ALK: variants seen among roughly 807,000 people sequenced by gnomAD.
ALK encodes the protein ALK receptor tyrosine kinase.
A neutral mutation model predicts 163.1 loss-of-function variants in ALK; 74 were observed. The ratio of observed to expected loss-of-function variants is 0.45; its 90% CI spans 0.38 to 0.55. ALK has a LOEUF of 0.55. ALK is among the 20% of genes least tolerant of loss of function. The pLI, the probability that ALK is intolerant of heterozygous loss-of-function variation, is 0.00. For missense variants in ALK, 2,063 were observed against 2,105.3 expected, an observed-to-expected ratio of 0.98 and a Z score of 0.39; for synonymous variants, 960 against 843.2, an observed-to-expected ratio of 1.14 and a Z score of -2.40.
chr2:29,347,684 A>G (rs1667991699), intron 5 of ALK, among the ~76,000 whole-genome samples: 1 of 152,172 alleles, frequency 6.6e-6, no homozygotes, highest in Non-Finnish European at 1.5e-5. Flanking sequence ...ATGAAATGAT[A>G]GAGATGTATT....
At chr2:29,244,489 C>T (rs1044586323) in intron 12 of ALK, among the ~76,000 whole-genome samples, 1 of 152,152 alleles carries the variant, frequency 6.6e-6, no homozygotes, top group Admixed American at 6.5e-5. Context: ...AGGTTCCACT[C>T]CTGTTGCATC....
chr2:29,226,351 G>A (rs182599072), intron 18 of ALK, among the ~76,000 whole-genome samples: 34 of 151,904 alleles, frequency 2.2e-4, no homozygotes, highest in East Asian at 7.8e-4. Context: ...GGTGGTGGGC[G>A]CCTGTAGTCC....
intron 1 of ALK, among the ~76,000 whole-genome samples, chr2:29,878,389 CACA>C (rs1666775261): frequency 1.3e-5 from 2 of 152,200 alleles, no homozygotes; most frequent in South Asian, 2.1e-4. Flanking sequence ...CTATTACTCT[CACA>C]ACATTCCTGC....
intron 4 of ALK, among the ~76,000 whole-genome samples, chr2:29,399,294 C>T (rs1003794282): frequency 2.6e-5 from 4 of 152,190 alleles, no homozygotes; most frequent in African/African-American, 9.7e-5. Flanking sequence ...GAGGTTCCAA[C>T]CTAGATCTGT....
chr2:29,903,084 A>G (rs552464531), intron 1 of ALK, among the ~76,000 whole-genome samples: 8 of 152,212 alleles, frequency 5.3e-5, no homozygotes, highest in African/African-American at 1.9e-4. Context: ...TCAAAATCCT[A>G]TATTTTTTGT....
chr2:29,400,394 T>A (rs556816435), intron 4 of ALK, among the ~76,000 whole-genome samples: 3 of 152,292 alleles, frequency 2.0e-5, no homozygotes, highest in East Asian at 3.9e-4. Context: ...GGGAGATCCA[T>A]GCTCTTGAGT....
intron 1 of ALK, among the ~76,000 whole-genome samples, chr2:29,853,389 C>A (rs1335151957): frequency 6.6e-6 from 1 of 152,178 alleles, no homozygotes; most frequent in African/African-American, 2.4e-5. Context: ...GCTTTGCATC[C>A]TTAGTTCTTC....
intron 4 of ALK, among the ~76,000 whole-genome samples, chr2:29,498,264 A>C (rs1312827233): frequency 1.3e-5 from 2 of 151,600 alleles, no homozygotes; most frequent in Non-Finnish European, 3.0e-5. Flanking sequence ...GGTTTGGGGG[A>C]GGAGGTTGGG....
Position 29,694,958 on chromosome 2 carries a change from C to G in ALK, c.844G>C (p.Asp282His), listed in dbSNP as rs1678510612. 1 of 1,614,080 alleles carries G rather than the reference C, an allele frequency of 6.2e-7. No homozygotes were observed. The highest frequency in any genetic ancestry group is 8.5e-7 in the Non-Finnish European group (1 of 1,179,980). ...CAGGACCAGCTCTGGTTCCTGAGGT[C>G]ATGCAGTGGAGGGGAATACTCCAGC... is the stretch of plus-strand genomic sequence containing the variant. The part of the protein sequence containing the change: ...CELEYSPPLH[D>H]LRNQSWSWRR... Residue 282 changes from aspartate (D) to histidine (H), a missense_variant, in exon 3 of 29, where the codon GAC (aspartate) becomes CAC (histidine). Asp to His is a moderately conservative substitution (Grantham distance 81). Around this residue, in one of 5 missense-constraint regions of ALK, gnomAD observed 987 missense variants for 939.5 expected, o/e 1.05. Coordinates refer to ENST00000389048, the MANE Select transcript of ALK (RefSeq NM_004304.5).
intron 4 of ALK, among the ~76,000 whole-genome samples, chr2:29,407,411 C>T (rs767963223): frequency 7.9e-5 from 12 of 152,218 alleles, no homozygotes; most frequent in East Asian, 1.9e-4. Flanking sequence ...ATTTAACATT[C>T]GCCCCTACCA....
In ALK at chr2:29,739,240, T is replaced by TAAAAAAAA. The variant is rs57381961; in HGVS notation, c.668-21551_668-21544dup. Among the ~76,000 whole-genome samples the TAAAAAAAA allele has an allele frequency of 3.5e-4, 14 of 40,334 alleles. 2 individuals are homozygous for TAAAAAAAA. Among genetic ancestry groups the TAAAAAAAA allele is most frequent in the African/African-American group, 1.4e-3 (14 of 9,748 alleles). The allele number at this position is 40,334 out of a possible 152,430, so 26.5% of individuals were successfully genotyped here. A position where few individuals can be genotyped will look rare whatever the true frequency, so the allele number is the denominator to read the frequency against. On this transcript the variant is annotated intron_variant, in intron 1 of 28. Coordinates refer to ENST00000389048, the MANE Select transcript of ALK (RefSeq NM_004304.5). ...GGCAACAGGGCAAGACAGTCTCTCT[T>TAAAAAAAA]AAAAAAAAAAAAAAAAAAAAAAAAA...
chr2:29,766,374 A>G (rs987211981), intron 1 of ALK, among the ~76,000 whole-genome samples: 1 of 152,166 alleles, frequency 6.6e-6, no homozygotes, highest in Non-Finnish European at 1.5e-5. Flanking sequence ...CTTACACAGC[A>G]TAGCTCCTTT....
chr2:29,226,502 A>C (rs1663999296), intron 18 of ALK, among the ~76,000 whole-genome samples: 1 of 133,828 alleles, frequency 7.5e-6, no homozygotes, highest in Admixed American at 7.4e-5. Flanking sequence ...AAAAAAAAAA[A>C]GAGGAGGAGA....
chr2:29,228,315 C>A lies in ALK; in HGVS notation c.2815+569G>T, dbSNP rs73920740. Among the ~76,000 whole-genome samples the A allele has an allele frequency of 1.9e-3, 289 of 152,358 alleles. 2 individuals are homozygous for A. Among genetic ancestry groups the A allele is most frequent in the African/African-American group, 6.7e-3 (277 of 41,584 alleles). On this transcript the variant is annotated intron_variant, in intron 16 of 28. Coordinates refer to ENST00000389048, the MANE Select transcript of ALK (RefSeq NM_004304.5). ...TGGGGAGCGGGGAGCCATCGTCTCC[C>A]AGCCTCTCAGCTTCAGAAGGCTCTG...
chr2:29,228,917 A>ACCCCC lies in ALK; in HGVS notation c.2777_2781dup (p.Cys928GlyfsTer13). On this transcript the variant is annotated frameshift_variant, in exon 16 of 29. Transcript: ENST00000389048. LOFTEE classifies it high-confidence loss of function. ...CCTCCGCCTCCTCCACCTGAGGAGC[A>ACCCCC]CCCCCCTCCACCCCCTCCGAAACCC... 1 of 1,374,998 alleles carries ACCCCC rather than the reference A, an allele frequency of 7.3e-7. No homozygotes were observed. The highest frequency in any genetic ancestry group is 1.0e-6 in the Non-Finnish European group (1 of 975,734). 85.2% of individuals were successfully genotyped at this position (1,374,998 alleles called of 1,614,324 possible).
chr2:29,745,488 ACTT>A (rs1253367851), intron 1 of ALK, among the ~76,000 whole-genome samples: 1 of 152,188 alleles, frequency 6.6e-6, no homozygotes, highest in African/African-American at 2.4e-5. Flanking sequence ...GGCAAGGTCT[ACTT>A]CTTGTACAGA....
At chr2:29,498,005 A>G (rs1672075406) in intron 4 of ALK, among the ~76,000 whole-genome samples, 1 of 152,226 alleles carries the variant, frequency 6.6e-6, no homozygotes, top group African/African-American at 2.4e-5. Flanking sequence ...TACAATTTCT[A>G]ATGCCATTAC....
chr2:29,327,025 C>T (rs549655490), intron 6 of ALK, among the ~76,000 whole-genome samples: 2 of 152,312 alleles, frequency 1.3e-5, no homozygotes, highest in South Asian at 4.1e-4. Context: ...CCAAGTTATT[C>T]ATCTCTGCTC....
chr2:29,856,406 A>C (rs1238047078), intron 1 of ALK, among the ~76,000 whole-genome samples: 1 of 152,250 alleles, frequency 6.6e-6, no homozygotes, highest in East Asian at 1.9e-4. Flanking sequence ...ATAAGCTATC[A>C]TAGTGAAAGC....
Sources: allele counts gnomAD v4.1 joint callset (sites outside exome capture counted in the v4.1 genomes callset), GRCh38; gene constraint gnomAD v4.1.1; regional missense constraint gnomAD v4.1.1; transcripts MANE v1.5; gene names NCBI Gene and HGNC (gene_info 2026-07-23, HGNC 2026-07-21).